Variants in ROBO2 observed in about 807,000 individuals in gnomAD.
ROBO2 encodes roundabout homolog 2.
A neutral mutation model predicts 160.8 loss-of-function variants in ROBO2; 53 were observed. The ratio of observed to expected loss-of-function variants is 0.33; its 90% CI spans 0.26 to 0.41. ROBO2 has a LOEUF of 0.41. ROBO2 is among the 10% of genes least tolerant of loss of function. The pLI, the probability that ROBO2 is intolerant of heterozygous loss-of-function variation, is 1.00. For synonymous variants in ROBO2, 664 were observed against 611.7 expected (o/e 1.09, Z -1.26); for missense variants, 1,577 against 1,722.4 (o/e 0.92, Z 1.49).
intron 2 of ROBO2, among the ~76,000 whole-genome samples, chr3:76,281,616 A>G: frequency 7.7e-6 from 1 of 129,036 alleles, no homozygotes; most frequent in East Asian, 2.3e-4. Flanking sequence ...CTTTTCTTAC[A>G]TCACTTCCCT....
chr3:76,437,938 G>C (rs933813477), intron 2 of ROBO2, among the ~76,000 whole-genome samples: 8 of 152,286 alleles, frequency 5.3e-5, no homozygotes, highest in Middle Eastern at 3.4e-3. Flanking sequence ...AACATGGGAA[G>C]GGTACTGCTG....
At chr3:76,265,633 C>A (rs139176874) in intron 2 of ROBO2, among the ~76,000 whole-genome samples, 325 of 152,190 alleles carry the variant, frequency 2.1e-3, no homozygotes, top group Middle Eastern at 0.014. Context: ...ATATTAGCTC[C>A]TGTAAGCATT....
chr3:76,046,626 T>G (rs981336416), intron 2 of ROBO2, among the ~76,000 whole-genome samples: 6 of 151,864 alleles, frequency 4.0e-5, no homozygotes, highest in Admixed American at 1.3e-4. Context: ...CCAGCCTGGG[T>G]GACAGAGCCA....
At chr3:76,200,815 T>C (rs183243203) in intron 2 of ROBO2, among the ~76,000 whole-genome samples, 7 of 152,240 alleles carry the variant, frequency 4.6e-5, no homozygotes, top group African/African-American at 1.7e-4. Context: ...TAGCCATGAG[T>C]GGGGCCACTT....
intron 16 of ROBO2, among the ~76,000 whole-genome samples, chr3:77,588,056 A>T (rs898032416): frequency 1.3e-5 from 2 of 152,126 alleles, no homozygotes; most frequent in Admixed American, 1.3e-4. Context: ...TGGAGACCTC[A>T]AAGTTAATTT....
chr3:76,770,289 G>A (rs932274394), intron 2 of ROBO2, among the ~76,000 whole-genome samples: 3 of 151,316 alleles, frequency 2.0e-5, no homozygotes, highest in Non-Finnish European at 3.0e-5. Flanking sequence ...TGTGCTCATA[G>A]TCTCTCCTCT....
chr3:77,246,164 A>G (rs905480439), intron 2 of ROBO2, among the ~76,000 whole-genome samples: 28 of 152,256 alleles, frequency 1.8e-4, no homozygotes, highest in Admixed American at 1.0e-3. Context: ...TTCCTGCCTC[A>G]TGGGTAAATG....
chr3:77,401,626 T>G (rs2075806520), intron 2 of ROBO2, among the ~76,000 whole-genome samples: 1 of 151,658 alleles, frequency 6.6e-6, no homozygotes, highest in Non-Finnish European at 1.5e-5. Context: ...AAGGGACATA[T>G]TCTGTGAAAT....
chr3:77,221,714 G>C (rs2085816738), intron 2 of ROBO2, among the ~76,000 whole-genome samples: 1 of 151,984 alleles, frequency 6.6e-6, no homozygotes, highest in South Asian at 2.1e-4. Flanking sequence ...GTTTGGAAAA[G>C]ATCTATAAAA....
intron 2 of ROBO2, among the ~76,000 whole-genome samples, chr3:76,234,702 A>G (rs1431145281): frequency 5.3e-5 from 8 of 152,208 alleles, no homozygotes; most frequent in African/African-American, 1.9e-4. Flanking sequence ...GTCTTTGGTC[A>G]GTCTATTTCA....
At chr3:77,378,223 A>G (rs1237882966) in intron 2 of ROBO2, among the ~76,000 whole-genome samples, 1 of 152,230 alleles carries the variant, frequency 6.6e-6, no homozygotes, top group Non-Finnish European at 1.5e-5. Flanking sequence ...ATAGGTAAGT[A>G]TCGTTCTCCC....
intron 2 of ROBO2, among the ~76,000 whole-genome samples, chr3:77,198,395 A>G (rs1175311697): frequency 1.3e-5 from 2 of 152,170 alleles, no homozygotes; most frequent in African/African-American, 4.8e-5. Flanking sequence ...ACCTGCTTAA[A>G]CTTCCTGAGA....
intron 2 of ROBO2, among the ~76,000 whole-genome samples, chr3:76,429,293 ACTTATT>A (rs898089196): frequency 1.8e-4 from 28 of 152,274 alleles, no homozygotes; most frequent in African/African-American, 5.8e-4. Context: ...AGAAGGGAGT[ACTTATT>A]CTTATGTGGG....
At chr3:76,798,892 A>AAACAACAAC (rs60526472) in intron 2 of ROBO2, among the ~76,000 whole-genome samples, 5 of 150,130 alleles carry the variant, frequency 3.3e-5, no homozygotes, top group African/African-American at 9.9e-5. Flanking sequence ...GACCTTTTCT[A>AAACAACAAC]AACAACAACA....
At chr3:76,425,084 A>C (rs1313835814) in intron 2 of ROBO2, among the ~76,000 whole-genome samples, 1 of 151,826 alleles carries the variant, frequency 6.6e-6, no homozygotes, top group Non-Finnish European at 1.5e-5. Flanking sequence ...TCCTTCTGAC[A>C]CTCCATAACC....
intron 2 of ROBO2, among the ~76,000 whole-genome samples, chr3:76,982,868 C>A (rs754786319): frequency 6.6e-6 from 1 of 152,090 alleles, no homozygotes; most frequent in Non-Finnish European, 1.5e-5. Flanking sequence ...GCAATCAGTG[C>A]CCATTAGACT....
chr3:77,460,982 T>C (rs776487988), intron 2 of ROBO2, among the ~76,000 whole-genome samples: 4 of 152,188 alleles, frequency 2.6e-5, no homozygotes, highest in Non-Finnish European at 5.9e-5. Flanking sequence ...ATATTTTAAA[T>C]ATTGAAAAGG....
chr3:76,737,154 T>A (rs1240676291), intron 2 of ROBO2, among the ~76,000 whole-genome samples: 2 of 152,346 alleles, frequency 1.3e-5, no homozygotes, highest in East Asian at 1.9e-4. Flanking sequence ...ATAGTGTTTT[T>A]TTCTCTTTGA....
intron 2 of ROBO2, among the ~76,000 whole-genome samples, chr3:76,765,890 A>AC (rs1161155446): frequency 6.6e-6 from 1 of 151,620 alleles, no homozygotes; most frequent in Non-Finnish European, 1.5e-5. Context: ...CTTTTGGGAC[A>AC]ATTTGTTACA....
Sources: allele counts gnomAD v4.1 joint callset (sites outside exome capture counted in the v4.1 genomes callset), GRCh38; gene constraint gnomAD v4.1.1; transcripts MANE v1.5; gene names NCBI Gene and HGNC (gene_info 2026-07-23, HGNC 2026-07-21).